CSMD1: variants seen among roughly 807,000 people sequenced by gnomAD.
CSMD1 encodes the protein CUB and sushi domain-containing protein 1.
Under a neutral mutation model 417.5 loss-of-function variants are expected in CSMD1, and 213 were observed. The ratio of observed to expected loss-of-function variants is 0.51; its 90% confidence interval spans 0.46 to 0.57. The LOEUF (loss-of-function observed/expected upper bound fraction) is 0.57. CSMD1 is among the 20% of genes least tolerant of loss of function. CSMD1 has a pLI of 0.00. For missense variants in CSMD1, 6,923 were observed against 4,529.7 expected (o/e 1.53, Z -15.17); for synonymous variants, 2,862 against 1,736.8 (o/e 1.65, Z -16.11).
chr8:3,188,304 C>CTTTTTTTTTTTTTTTTTTTTTTTTTTTT, intron 35 of CSMD1, among the ~76,000 whole-genome samples: 1 of 87,624 alleles, frequency 1.1e-5, no homozygotes, highest in Non-Finnish European at 2.0e-5. Flanking sequence ...CTTTTCCTTT[C>CTTTTTTTTTTTTTTTTTTTTTTTTTTTT]TTTTTTTTTT....
Position 3,620,155 on chromosome 8 carries a change from C to T in CSMD1, c.1010-3358G>A, listed in dbSNP as rs538014884. ...AAGCAATGGATAATATATTTAATTG[C>T]TGAAAAAATGTCAGCTGAAAATTCT... On this transcript the variant is annotated intron_variant, in intron 7 of 69. Coordinates refer to ENST00000635120, the MANE Select transcript of CSMD1 (RefSeq NM_033225.6). 5.9e-5 allele frequency among the ~76,000 whole-genome samples: 9 copies of T among 152,144 alleles called. No homozygotes were observed. In the South Asian group the frequency reaches 1.7e-3, roughly 28 times the overall value.
At chr8:4,821,877 T>G (rs989082329) in intron 1 of CSMD1, among the ~76,000 whole-genome samples, 1 of 152,164 alleles carries the variant, frequency 6.6e-6, no homozygotes, top group African/African-American at 2.4e-5. Context: ...ACGCTTCTGC[T>G]CTAGCCCAGC....
intron 10 of CSMD1, among the ~76,000 whole-genome samples, chr8:3,563,623 G>A (rs979243493): frequency 1.3e-5 from 2 of 152,208 alleles, no homozygotes; most frequent in East Asian, 1.9e-4. Flanking sequence ...TGGCACAGTG[G>A]CTCATACTTG....
At chr8:3,987,093 T>C (rs1384891292) in intron 5 of CSMD1, among the ~76,000 whole-genome samples, 2 of 152,210 alleles carry the variant, frequency 1.3e-5, no homozygotes, top group African/African-American at 2.4e-5. Context: ...GTGAAAACGA[T>C]GGGTTCCTTT....
intron 7 of CSMD1, among the ~76,000 whole-genome samples, chr8:3,687,417 A>T (rs1313960452): frequency 6.6e-6 from 1 of 152,256 alleles, no homozygotes; most frequent in Non-Finnish European, 1.5e-5. Context: ...TTTAGGCTGG[A>T]AAACTTGCCT....
intron 15 of CSMD1, among the ~76,000 whole-genome samples, chr8:3,405,376 T>C (rs1812284623): frequency 6.6e-6 from 1 of 152,186 alleles, no homozygotes; most frequent in African/African-American, 2.4e-5. Context: ...TTCCTCTCTA[T>C]ATTTATTAGA....
At chr8:4,870,330 G>T (rs1197788865) in intron 1 of CSMD1, among the ~76,000 whole-genome samples, 1 of 151,986 alleles carries the variant, frequency 6.6e-6, no homozygotes, top group Non-Finnish European at 1.5e-5. Flanking sequence ...TGAAAACTAG[G>T]CAACAATCAT....
At chr8:3,960,447 T>C (rs1812247797) in intron 5 of CSMD1, among the ~76,000 whole-genome samples, 1 of 152,176 alleles carries the variant, frequency 6.6e-6, no homozygotes, top group African/African-American at 2.4e-5. Flanking sequence ...AGAAATACAA[T>C]TTTCAACACA....
chr8:3,891,007 G>T (rs2049303), intron 5 of CSMD1, among the ~76,000 whole-genome samples: 75,758 of 151,808 alleles, frequency 0.5, 22,278 homozygotes, highest in Admixed American at 0.65. Context: ...TAAGGAAAAT[G>T]AAGGCCGTGA....
chr8:2,966,801 GGCA>G (rs1804001082), intron 57 of CSMD1, 55 bp from the exon 58 acceptor site: 1 of 1,560,726 alleles, frequency 6.4e-7, no homozygotes, highest in Non-Finnish European at 8.7e-7. Context: ...GCATGAAAAT[GGCA>G]AACACAAGAG....
At chr8:4,410,934 A>G (rs1245924523) in intron 3 of CSMD1, among the ~76,000 whole-genome samples, 2 of 152,100 alleles carry the variant, frequency 1.3e-5, no homozygotes, top group African/African-American at 4.8e-5. Context: ...TTCAGACTAG[A>G]TTTGTTCTAG....
chr8:4,650,313 C>T (rs560151927), intron 1 of CSMD1, among the ~76,000 whole-genome samples: 4 of 145,124 alleles, frequency 2.8e-5, no homozygotes, highest in African/African-American at 1.0e-4. Context: ...CCACTGCACT[C>T]CAGCCTGGGC....
intron 2 of CSMD1, among the ~76,000 whole-genome samples, chr8:4,621,435 C>A (rs547631816): frequency 6.6e-6 from 1 of 151,936 alleles, no homozygotes; most frequent in Admixed American, 6.6e-5. Flanking sequence ...ATAACTGTAC[C>A]TACACATTTA....
chr8:3,629,952 T>C (rs964092600), intron 7 of CSMD1, among the ~76,000 whole-genome samples: 4 of 152,246 alleles, frequency 2.6e-5, no homozygotes, highest in East Asian at 1.9e-4. Context: ...TACAGTCTTA[T>C]TGAATTATAT....
intron 3 of CSMD1, among the ~76,000 whole-genome samples, chr8:4,155,306 T>G (rs927212066): frequency 6.6e-6 from 1 of 152,110 alleles, no homozygotes; most frequent in African/African-American, 2.4e-5. Flanking sequence ...AAGATCAGCG[T>G]TTGGGTCTCG....
chr8:3,854,739 G>T (rs1205490329), intron 5 of CSMD1, among the ~76,000 whole-genome samples: 1 of 133,160 alleles, frequency 7.5e-6, no homozygotes, highest in African/African-American at 3.1e-5. Flanking sequence ...AGAAACTCCA[G>T]AGGGGGTAAA....
intron 3 of CSMD1, among the ~76,000 whole-genome samples, chr8:4,308,223 G>A (rs1025633085): frequency 6.6e-6 from 1 of 152,142 alleles, no homozygotes; most frequent in African/African-American, 2.4e-5. Flanking sequence ...TGGGATGTGT[G>A]TGGTATGCAG....
intron 25 of CSMD1, among the ~76,000 whole-genome samples, chr8:3,296,692 A>G (rs1477986028): frequency 6.6e-6 from 1 of 152,128 alleles, no homozygotes; most frequent in Non-Finnish European, 1.5e-5. Context: ...TTTTGAAGGG[A>G]GAGAAAACAG....
intron 2 of CSMD1, among the ~76,000 whole-genome samples, chr8:4,565,749 C>CATATATATAT (rs58696547): frequency 8.4e-5 from 10 of 118,444 alleles, no homozygotes; most frequent in African/African-American, 1.4e-4. Flanking sequence ...AAAATATATA[C>CATATATATAT]ATATATATAT....
Sources: allele counts gnomAD v4.1 joint callset (sites outside exome capture counted in the v4.1 genomes callset), GRCh38; gene constraint gnomAD v4.1.1; transcripts MANE v1.5; gene names NCBI Gene and HGNC (gene_info 2026-07-23, HGNC 2026-07-21).